The following PALM2AKAP2 variants were observed in gnomAD, a reference collection of about 807,000 sequenced individuals.
The protein encoded by PALM2AKAP2 is PALM2 and AKAP2 fusion.
In PALM2AKAP2, 37 loss-of-function variants were observed where a neutral mutation model predicts 71.5. That is an observed-to-expected ratio of 0.52 (90% CI 0.40 to 0.68). The LOEUF (loss-of-function observed/expected upper bound fraction) is 0.68, where lower values mean the gene tolerates loss of function less well. Ranked by LOEUF, PALM2AKAP2 falls within the 30% of genes least tolerant of loss-of-function variation. The pLI, the probability that PALM2AKAP2 is intolerant of heterozygous loss-of-function variation, is 0.00. For synonymous variants in PALM2AKAP2, 468 were observed against 478.8 expected (o/e 0.98, Z 0.29); for missense variants, 1,224 against 1,191.8 (o/e 1.03, Z -0.40).
At chr9:110,123,027 T>C (rs1038156465) in intron 1 of PALM2AKAP2, among the ~76,000 whole-genome samples, 27 of 152,214 alleles carry the variant, frequency 1.8e-4, no homozygotes, top group Admixed American at 2.6e-4. Context: ...AATCCACTTT[T>C]CTGGAGTACC....
intron 6 of PALM2AKAP2, among the ~76,000 whole-genome samples, chr9:110,008,495 GA>G (rs559110955): frequency 1.8e-3 from 281 of 152,012 alleles, no homozygotes; most frequent in African/African-American, 6.3e-3. Flanking sequence ...TGGTTGAGGA[GA>G]AAAAACTTAA....
At chr9:110,116,654 G>A (rs1835369467) in intron 1 of PALM2AKAP2, among the ~76,000 whole-genome samples, 1 of 152,208 alleles carries the variant, frequency 6.6e-6, no homozygotes, top group African/African-American at 2.4e-5. Flanking sequence ...TCCCAAGGGG[G>A]AATCTGGTTA....
intron 1 of PALM2AKAP2, among the ~76,000 whole-genome samples, chr9:109,828,855 C>T (rs1002753352): frequency 9.2e-5 from 14 of 152,358 alleles, no homozygotes; most frequent in African/African-American, 2.9e-4. Context: ...TAAAGTGAGT[C>T]TTCAGAAACA....
intron 1 of PALM2AKAP2, among the ~76,000 whole-genome samples, chr9:109,752,925 T>C (rs773036629): frequency 9.2e-5 from 14 of 152,200 alleles, no homozygotes; most frequent in Admixed American, 3.9e-4. Context: ...GGCTTTGGAA[T>C]ATTACAGAGG....
At chr9:109,925,881 CA>C (rs1830946469) in intron 5 of PALM2AKAP2, among the ~76,000 whole-genome samples, 1 of 152,094 alleles carries the variant, frequency 6.6e-6, no homozygotes, top group Non-Finnish European at 1.5e-5. Context: ...TTGGAAAGAC[CA>C]GATATTGTCT....
In PALM2AKAP2 at chr9:109,697,956, T is replaced by C. The variant is rs534164746; in HGVS notation, c.5+57090T>C. On this transcript the variant is annotated intron_variant, in intron 1 of 6. Transcript: ENST00000374531. ...CTTCATACCTGTGGCCACATAGACA[T>C]TGCACCATTATTAGTGCTTTTGGCA... Among the ~76,000 whole-genome samples, 4 of 152,292 alleles carry C rather than the reference T, an allele frequency of 2.6e-5. No homozygotes were observed. The South Asian group carries it at 6.2e-4, about 24-fold the overall frequency.
chr9:109,648,109 A>G (rs1827178238), intron 1 of PALM2AKAP2, among the ~76,000 whole-genome samples: 1 of 152,200 alleles, frequency 6.6e-6, no homozygotes, highest in South Asian at 2.1e-4. Flanking sequence ...TAAAAGTGGC[A>G]GTTTCCCCTG....
Position 109,963,697 on chromosome 9 carries a change from C to G in PALM2AKAP2, c.496+31669C>G, listed in dbSNP as rs147074869. ...TGACTTGCCTGCTCCCTACCCCTGT[C>G]CCCTGACTGTGCTTCACCTCCCAAG... On this transcript the variant is annotated intron_variant, in intron 6 of 9. Transcript: ENST00000302798. Among the ~76,000 whole-genome samples, 17 of 152,312 alleles carry G rather than the reference C, an allele frequency of 1.1e-4. No individual in the cohort carries two copies. In the East Asian group the frequency reaches 2.3e-3, roughly 21 times the overall value.
rs533637405 is a variant in PALM2AKAP2, at chr9:110,010,638, ATATAGAATACTTAAATT to A, written c.497-5299_497-5283del. Among the ~76,000 whole-genome samples the A allele has an allele frequency of 9.4e-3, 1,385 of 147,874 alleles. 21 individuals are homozygous for A. The highest frequency in any genetic ancestry group is 0.033 in the African/African-American group (1,337 of 40,764). On this transcript the variant is annotated intron_variant, in intron 6 of 9. Coordinates refer to the PALM2AKAP2 transcript ENST00000302798. ...TATTCTATTTATATATTCTATAAAT[ATATAGAATACTTAAATT>A]TATAGAATACTTAAATATATTTTAA...
intron 6 of PALM2AKAP2, among the ~76,000 whole-genome samples, chr9:109,958,617 AG>A (rs1308611655): frequency 6.6e-6 from 1 of 152,136 alleles, no homozygotes; most frequent in Non-Finnish European, 1.5e-5. Flanking sequence ...GCGAGAGAAA[AG>A]GAAGGAAGAA....
At chr9:109,825,948 A>G (rs1367593049) in intron 1 of PALM2AKAP2, among the ~76,000 whole-genome samples, 1 of 152,242 alleles carries the variant, frequency 6.6e-6, no homozygotes, top group Non-Finnish European at 1.5e-5. Context: ...ACAATAGGAA[A>G]GACTTGGAAC....
At chr9:109,960,327 G>A (rs1588033917) in intron 6 of PALM2AKAP2, among the ~76,000 whole-genome samples, 1 of 152,274 alleles carries the variant, frequency 6.6e-6, no homozygotes, top group South Asian at 2.1e-4. Flanking sequence ...TTACCATACG[G>A]CTGACCCTTC....
intron 3 of PALM2AKAP2, among the ~76,000 whole-genome samples, chr9:109,897,414 T>A (rs1477398456): frequency 6.6e-6 from 1 of 151,922 alleles, no homozygotes; most frequent in Non-Finnish European, 1.5e-5. Context: ...ACCCCATCTC[T>A]ACTAAAAATA....
chr9:109,978,135 G>A (rs55746672), intron 6 of PALM2AKAP2, among the ~76,000 whole-genome samples: 4,539 of 152,156 alleles, frequency 0.03, 118 homozygotes, highest in East Asian at 0.13. Context: ...AAGGAGGGAT[G>A]CATGCCTCCT....
chr9:109,867,164 CTGTGTGTGTGTG>C lies in PALM2AKAP2; in HGVS notation c.46-297_46-286del, dbSNP rs56194780. ...TTAACACTGCACAGAACATGGTTCT[CTGTGTGTGTGTG>C]TGTGTGTGTGTGTGTGTGTGTGTGT... On this transcript the variant is annotated intron_variant, in intron 1 of 9. Transcript: ENST00000302798. The C allele has an allele frequency of 4.9e-4, 195 of 399,768 alleles. 1 individual carries two copies. The highest frequency in any genetic ancestry group is 4.0e-3 in the East Asian group (54 of 13,418). The allele number at this position is 399,768 out of a possible 1,614,324, so 24.8% of individuals were successfully genotyped here.
intron 1 of PALM2AKAP2, among the ~76,000 whole-genome samples, chr9:109,704,013 G>T (rs1362950356): frequency 6.6e-6 from 1 of 152,186 alleles, no homozygotes; most frequent in Admixed American, 6.5e-5. Flanking sequence ...CCTTGGCCAG[G>T]TTCTTGTATC....
At chr9:110,166,611 G>C (rs1836740231) in intron 3 of PALM2AKAP2, among the ~76,000 whole-genome samples, 1 of 152,168 alleles carries the variant, frequency 6.6e-6, no homozygotes, top group Non-Finnish European at 1.5e-5. Context: ...ACCGTGATAT[G>C]CTTACATACA....
intron 1 of PALM2AKAP2, among the ~76,000 whole-genome samples, chr9:109,865,096 C>CTTTTTTTTCTTTTTT (rs1829414068): frequency 1.3e-5 from 1 of 75,640 alleles, no homozygotes; most frequent in Non-Finnish European, 2.3e-5. Context: ...CTACTCATTC[C>CTTTTTTTTCTTTTTT]TTTTTTTTTT....
At chr9:109,834,395 G>GA (rs1828395035) in intron 1 of PALM2AKAP2, among the ~76,000 whole-genome samples, 2 of 152,128 alleles carry the variant, frequency 1.3e-5, no homozygotes, top group South Asian at 4.1e-4. Flanking sequence ...TTCTATAAAG[G>GA]AAAATACTTT....
Sources: allele counts gnomAD v4.1 joint callset (sites outside exome capture counted in the v4.1 genomes callset), GRCh38; gene constraint gnomAD v4.1.1; transcripts MANE v1.5; gene names NCBI Gene and HGNC (gene_info 2026-07-23, HGNC 2026-07-21).